Variants in DOCK1 observed in about 807,000 individuals in gnomAD.
DOCK1 encodes dedicator of cytokinesis protein 1.
In DOCK1, 138 loss-of-function variants were observed where a neutral mutation model predicts 262.7. The ratio of observed to expected loss-of-function variants is 0.53; its 90% CI spans 0.46 to 0.61. The LOEUF (loss-of-function observed/expected upper bound fraction) is 0.61, where lower values mean the gene tolerates loss of function less well. Among genes scored for constraint, DOCK1 ranks in the 20% least tolerant of loss-of-function variants. The pLI is 0.00. For synonymous variants in DOCK1, 866 were observed against 867.4 expected, an observed-to-expected ratio of 1.00 and a Z score of 0.03; for missense variants, 1,908 against 2,370.7, an observed-to-expected ratio of 0.80 and a Z score of 4.05.
At chr10:126,905,742 C>G (rs1410006016) in intron 1 of DOCK1, among the ~76,000 whole-genome samples, 179 bp downstream of exon 1, 1 of 150,154 alleles carries the variant, frequency 6.7e-6, no homozygotes, top group Non-Finnish European at 1.5e-5. Context: ...GCCCCGCGCC[C>G]CCGGCGGCGT....
chr10:127,280,596 C>T (rs1455919551), intron 29 of DOCK1, among the ~76,000 whole-genome samples: 1 of 152,156 alleles, frequency 6.6e-6, no homozygotes, highest in African/African-American at 2.4e-5. Flanking sequence ...CTTGCAAGCA[C>T]TTAGCCTCTT....
At chr10:127,212,616 C>T (rs781308626) in intron 27 of DOCK1, among the ~76,000 whole-genome samples, 3 of 151,842 alleles carry the variant, frequency 2.0e-5, no homozygotes, top group Non-Finnish European at 2.9e-5. Context: ...AGTGATTTCC[C>T]GATGCCCAGC....
chr10:127,013,021 C>T (rs553421367), intron 12 of DOCK1, among the ~76,000 whole-genome samples: 5 of 152,324 alleles, frequency 3.3e-5, no homozygotes, highest in Non-Finnish European at 7.4e-5. Flanking sequence ...CCCGTAAACG[C>T]GGTAGAGCTT....
intron 27 of DOCK1, among the ~76,000 whole-genome samples, chr10:127,212,526 G>A (rs918843186): frequency 2.0e-5 from 3 of 152,044 alleles, no homozygotes; most frequent in Non-Finnish European, 4.4e-5. Flanking sequence ...TGTGCTTCTC[G>A]CTTGCAGACA....
chr10:127,254,449 C>T lies in DOCK1; in HGVS notation c.2950-2886C>T, dbSNP rs147606105. Among the ~76,000 whole-genome samples, 232 of 152,248 alleles carry T rather than the reference C, an allele frequency of 1.5e-3. 1 individual carries two copies. Among genetic ancestry groups the T allele is most frequent in the African/African-American group, 5.3e-3 (221 of 41,550 alleles). On this transcript the variant is annotated intron_variant, in intron 28 of 51. Transcript: ENST00000623213. ...CCTTGGCAAGAGTGTTTCAGCATTG[C>T]TGTCGAAAGCTTCCTGCTGTGTTAC... is the stretch of plus-strand genomic sequence containing the variant.
intron 25 of DOCK1, among the ~76,000 whole-genome samples, chr10:127,123,666 A>G (rs759970635): frequency 2.6e-5 from 4 of 152,160 alleles, no homozygotes; most frequent in Admixed American, 6.5e-5. Flanking sequence ...TAGCGTTTCC[A>G]GGCTGGATTC....
At chr10:127,148,890 A>G (rs950009253) in intron 27 of DOCK1, among the ~76,000 whole-genome samples, 3 of 152,156 alleles carry the variant, frequency 2.0e-5, no homozygotes, top group Non-Finnish European at 4.4e-5. Flanking sequence ...GGTCTGCATC[A>G]CAACCGAAGG....
chr10:127,204,468 G>A (rs1171318663), intron 27 of DOCK1, among the ~76,000 whole-genome samples: 7 of 152,044 alleles, frequency 4.6e-5, no homozygotes, highest in African/African-American at 1.7e-4. Context: ...TGTATTTTTA[G>A]TGGACTTAGG....
At chr10:127,040,523 G>A (rs1297864303) in intron 19 of DOCK1, among the ~76,000 whole-genome samples, 1 of 152,156 alleles carries the variant, frequency 6.6e-6, no homozygotes, top group Non-Finnish European at 1.5e-5. Context: ...GGAGGCGGGC[G>A]AGGCTGTTGC....
intron 27 of DOCK1, among the ~76,000 whole-genome samples, chr10:127,237,146 G>C (rs1268460842): frequency 6.6e-6 from 1 of 152,024 alleles, no homozygotes; most frequent in Non-Finnish European, 1.5e-5. Context: ...ATCACCTGAG[G>C]TCTGGAGTTT....
At chr10:127,228,758 T>A (rs1348097879) in intron 27 of DOCK1, among the ~76,000 whole-genome samples, 2 of 152,238 alleles carry the variant, frequency 1.3e-5, no homozygotes, top group South Asian at 4.1e-4. Flanking sequence ...GCATATTACA[T>A]TGTCATTATG....
chr10:127,196,379 C>T (rs2057150940), intron 27 of DOCK1, among the ~76,000 whole-genome samples: 1 of 148,888 alleles, frequency 6.7e-6, no homozygotes, highest in East Asian at 2.0e-4. Flanking sequence ...TCGCGCTCCT[C>T]CGATGTCCTC....
At chr10:127,300,161 C>T (rs1017842769) in intron 29 of DOCK1, among the ~76,000 whole-genome samples, 3 of 152,170 alleles carry the variant, frequency 2.0e-5, no homozygotes, top group African/African-American at 7.2e-5. Flanking sequence ...GGCCAGCTGG[C>T]ATCCTCCCCG....
At chr10:127,087,401 G>A (rs2047259332) in intron 23 of DOCK1, among the ~76,000 whole-genome samples, 1 of 152,118 alleles carries the variant, frequency 6.6e-6, no homozygotes, top group Non-Finnish European at 1.5e-5. Context: ...TTCATGCCGG[G>A]CTCAGACGCT....
chr10:127,424,636 CAG>C (rs1340292322), intron 46 of DOCK1, among the ~76,000 whole-genome samples: 2 of 152,218 alleles, frequency 1.3e-5, no homozygotes, highest in African/African-American at 4.8e-5. Flanking sequence ...AGAAGGCTGA[CAG>C]TGAGCATTTT....
intron 49 of DOCK1, among the ~76,000 whole-genome samples, chr10:127,442,178 A>T (rs2070207217): frequency 6.6e-6 from 1 of 152,058 alleles, no homozygotes; most frequent in South Asian, 2.1e-4. Flanking sequence ...CATTTACCAG[A>T]GGGCCTGAAT....
intron 18 of DOCK1, among the ~76,000 whole-genome samples, chr10:127,035,463 CTGGA>C (rs2043531023): frequency 6.6e-6 from 1 of 152,138 alleles, no homozygotes; most frequent in African/African-American, 2.4e-5. Context: ...CTCATGGGGG[CTGGA>C]CAAGCCCTGT....
intron 32 of DOCK1, among the ~76,000 whole-genome samples, chr10:127,356,113 T>G (rs2064133161): frequency 6.6e-6 from 1 of 152,198 alleles, no homozygotes; most frequent in Admixed American, 6.5e-5. Flanking sequence ...CTGCAGTAGC[T>G]CCTATGTCCA....
At chr10:127,156,446 A>G (rs2053053535) in intron 27 of DOCK1, among the ~76,000 whole-genome samples, 1 of 152,312 alleles carries the variant, frequency 6.6e-6, no homozygotes, top group East Asian at 1.9e-4. Flanking sequence ...GAAATGTACA[A>G]GAGGAATCTT....
Sources: allele counts gnomAD v4.1 joint callset (sites outside exome capture counted in the v4.1 genomes callset), GRCh38; gene constraint gnomAD v4.1.1; transcripts MANE v1.5; gene names NCBI Gene and HGNC (gene_info 2026-07-23, HGNC 2026-07-21).